The following ZNF549 variants were observed in gnomAD, a reference collection of about 807,000 sequenced individuals.
ZNF549 encodes zinc finger protein 549.
A neutral mutation model predicts 11.1 loss-of-function variants in ZNF549; 11 were observed. The ratio of observed to expected loss-of-function variants is 0.99; its 90% confidence interval spans 0.62 to 1.64. ZNF549 has a LOEUF of 1.64. Ranked by LOEUF, ZNF549 falls within the 40% of genes most tolerant of loss-of-function variation. ZNF549 has a pLI of 0.00. For missense variants in ZNF549, 748 were observed against 765.1 expected, an observed-to-expected ratio of 0.98 and a Z score of 0.26; for synonymous variants, 266 against 269.1, an observed-to-expected ratio of 0.99 and a Z score of 0.11.
chr19:57,528,253 G>A (rs2089888079), intron 1 of ZNF549, among the ~76,000 whole-genome samples: 1 of 152,200 alleles, frequency 6.6e-6, no homozygotes, highest in Non-Finnish European at 1.5e-5. Context: ...TCTTTTACCT[G>A]AACATCTGGA....
In ZNF549 at chr19:57,527,763, C is replaced by G. The variant is rs563881621; in HGVS notation, c.33+157C>G. 6.6e-5 allele frequency among the ~76,000 whole-genome samples: 10 copies of G among 152,212 alleles called. No individual in the cohort carries two copies. In the East Asian group the frequency reaches 1.7e-3, roughly 27 times the overall value. On this transcript the variant is annotated intron_variant, in intron 1 of 3. Coordinates refer to ENST00000376233, the MANE Select transcript of ZNF549 (RefSeq NM_001199295.2). ...GGGCGGTGAGGTGAAGAAGGGAGAG[C>G]GTTGCGTACCGTGGGGGCTGCACGC... is the stretch of plus-strand genomic sequence containing the variant.
At chr19:57,533,403 T>C (rs1431531415) in intron 2 of ZNF549, among the ~76,000 whole-genome samples, 1 of 152,224 alleles carries the variant, frequency 6.6e-6, no homozygotes, top group African/African-American at 2.4e-5. Flanking sequence ...TGATAATACC[T>C]CTGCAGGTTA....
intron 1 of ZNF549, among the ~76,000 whole-genome samples, chr19:57,527,882 G>T (rs2089885930): frequency 6.6e-6 from 1 of 152,178 alleles, no homozygotes; most frequent in Non-Finnish European, 1.5e-5. Context: ...GGAGAAGAAG[G>T]CACGGCTGCC....
At position 57,539,457 on chromosome 19, in the gene ZNF549, G is replaced by A. The variant is rs2089945505; in HGVS notation, c.*530G>A. 6.5e-6 allele frequency: 1 copy of A among 153,342 alleles called. No individual in the cohort carries two copies. Among genetic ancestry groups the A allele is most frequent in the South Asian group, 2.0e-4 (1 of 4,908 alleles). The allele number at this position is 153,342 out of a possible 1,614,324, so 9.5% of individuals were successfully genotyped here. On this transcript the variant is annotated 3_prime_UTR_variant, in exon 4 of 4. Coordinates refer to ENST00000376233, the MANE Select transcript of ZNF549 (RefSeq NM_001199295.2). ...GCTGATGTATGTGCTCTGCCAGTGT[G>A]AAGGGTGAACAGCTCCAACTTTATG...
In ZNF549 at chr19:57,538,073, G is replaced by GTC; in HGVS notation, c.1069_1070insTC (p.Gly357ValfsTer281). The stretch of plus-strand genomic sequence containing the variant: ...TGGCCATCAGCAGAGAATCCACACT[G>GTC]GAGAGAGGCCTTATGTGTGTATGGA... On this transcript the variant is annotated frameshift_variant, in exon 4 of 4. Coordinates refer to ENST00000376233, the MANE Select transcript of ZNF549 (RefSeq NM_001199295.2). LOFTEE classifies it low-confidence loss of function (END_TRUNC). 1 of 1,614,146 alleles carries GTC rather than the reference G, an allele frequency of 6.2e-7. No homozygotes were observed. The highest frequency in any genetic ancestry group is 8.5e-7 in the Non-Finnish European group (1 of 1,180,024).
At chr19:57,530,490 G>A (rs762493527) in intron 1 of ZNF549, among the ~76,000 whole-genome samples, 7 of 152,268 alleles carry the variant, frequency 4.6e-5, no homozygotes, top group Non-Finnish European at 7.4e-5. Flanking sequence ...ATTATTGAAC[G>A]TAAGGAGAGA....
chr19:57,531,101 C>T lies in ZNF549; in HGVS notation c.65C>T (p.Pro22Leu). 1 of 1,598,326 alleles carries T rather than the reference C, an allele frequency of 6.3e-7. No individual in the cohort carries two copies. The highest frequency in any genetic ancestry group is 8.5e-7 in the Non-Finnish European group (1 of 1,179,778). Residue 22 changes from proline to leucine, a missense_variant, in exon 2 of 4, where the codon CCA becomes CTA. Physicochemically the swap from Pro to Leu is moderately conservative, Grantham distance 98. Transcript: ENST00000376233. The part of the protein sequence containing the change: ...IPMVTEEFVK[P>L]SQGHVTFEDI... Reference sequence around the variant, plus strand: ...ATGGTAACAGAAGAGTTTGTGAAACCATCACAGGTAAGTGGAAGAAGTCCC... The same window carrying T: ...ATGGTAACAGAAGAGTTTGTGAAACTATCACAGGTAAGTGGAAGAAGTCCC...
intron 2 of ZNF549, 79 bp downstream of exon 2, chr19:57,531,187 T>A (rs889224927): frequency 6.8e-7 from 1 of 1,481,470 alleles, no homozygotes; most frequent in Non-Finnish European, 9.3e-7. Context: ...CAGGTAACAA[T>A]AATGTCCTGG....
rs1409390408 is a variant in ZNF549 at position 57,527,452 on chromosome 19, C to T, written c.-122C>T. ...AGCCGGAAACCGGTGGAGGTGGTGT[C>T]CGCCCGCAGAGGAGCTTGCCTGGTC... On this transcript the variant is annotated 5_prime_UTR_variant, in exon 1 of 4. Transcript: ENST00000376233. The T allele has an allele frequency of 2.2e-6, 3 of 1,388,604 alleles. No individual in the cohort carries two copies. The highest frequency in any genetic ancestry group is 5.0e-5 in the East Asian group (2 of 40,382). 86.0% of individuals were successfully genotyped at this position (1,388,604 alleles called of 1,614,324 possible).
At position 57,535,134 on chromosome 19, in the gene ZNF549, C is replaced by CA. The variant is rs748549462; in HGVS notation, c.73-9dup. 1.3e-5 allele frequency: 21 copies of CA among 1,612,990 alleles called. No individual in the cohort carries two copies. In the South Asian group the frequency reaches 2.2e-4, roughly 17 times the overall value. ...GTCTGCTCATGATTTCATCTGCCCC[C>CA]ATCATGCAGGGCCATGTGACCTTTG... On this transcript the variant is annotated splice_polypyrimidine_tract_variant and intron_variant, in intron 2 of 3. Coordinates refer to ENST00000376233, the MANE Select transcript of ZNF549 (RefSeq NM_001199295.2).
At position 57,538,838 on chromosome 19, in the gene ZNF549, C is replaced by T; in HGVS notation, c.1834C>T (p.Pro612Ser). ...EHQRIHTGEKPYECGKCGKAF... is the reference protein window; with the variant it reads ...EHQRIHTGEKSYECGKCGKAF... ...TCAGCGAATCCACACCGGAGAAAAG[C>T]CGTATGAATGTGGTAAATGTGGGAA... Residue 612 changes from proline (P) to serine (S), a missense_variant, in exon 4 of 4, where the codon CCG (proline) becomes TCG (serine). Physicochemically the swap from Pro to Ser is moderately conservative, Grantham distance 74. Coordinates refer to ENST00000376233, the MANE Select transcript of ZNF549 (RefSeq NM_001199295.2). The T allele has an allele frequency of 6.2e-7, 1 of 1,613,778 alleles. No individual in the cohort carries two copies. Among genetic ancestry groups the T allele is most frequent in the Non-Finnish European group, 8.5e-7 (1 of 1,180,030 alleles).
At chr19:57,527,738 G>T in intron 1 of ZNF549, 132 bp downstream of exon 1, 1 of 1,122,432 alleles carries the variant, frequency 8.9e-7, no homozygotes, top group Non-Finnish European at 1.3e-6. Context: ...CAGAGCTGAC[G>T]GGCGGTGAGG....
At position 57,535,222 on chromosome 19, in the gene ZNF549, C is replaced by T. The variant is rs2089919330; in HGVS notation, c.151C>T (p.Leu51=). Residue 51 remains leucine, a synonymous_variant, in exon 3 of 4, where the codon CTG becomes TTG. Coordinates refer to ENST00000376233, the MANE Select transcript of ZNF549 (RefSeq NM_001199295.2). Reference sequence around the variant, plus strand: ...CCTCCTTGATGAAGCTCAAAGGTGCCTGTATCATGATGTGATGCTGGAGAA... The same window carrying T: ...CCTCCTTGATGAAGCTCAAAGGTGCTTGTATCATGATGTGATGCTGGAGAA... ...WGLLDEAQRC[L]YHDVMLENFS... The T allele has an allele frequency of 2.5e-6, 4 of 1,613,954 alleles. No individual in the cohort carries two copies. The highest frequency in any genetic ancestry group is 1.7e-5 in the Admixed American group (1 of 60,002).
At chr19:57,532,539 G>A (rs1204981648) in intron 2 of ZNF549, among the ~76,000 whole-genome samples, 1 of 152,200 alleles carries the variant, frequency 6.6e-6, no homozygotes, top group Non-Finnish European at 1.5e-5. Context: ...ACAGGGACCA[G>A]TCTTAGCATG....
chr19:57,530,231 G>A (rs1320804540), intron 1 of ZNF549, among the ~76,000 whole-genome samples: 1 of 152,142 alleles, frequency 6.6e-6, no homozygotes, highest in Non-Finnish European at 1.5e-5. Context: ...CCAGGGAGGG[G>A]AGCAGAGATC....
At chr19:57,531,183 A>G (rs1232876868) in intron 2 of ZNF549, 75 bp downstream of exon 2, 1 of 1,496,768 alleles carries the variant, frequency 6.7e-7, no homozygotes, top group Non-Finnish European at 9.2e-7. Context: ...GATGCAGGTA[A>G]CAATAATGTC....
chr19:57,530,155 G>T (rs2089898064), intron 1 of ZNF549, among the ~76,000 whole-genome samples: 3 of 152,208 alleles, frequency 2.0e-5, no homozygotes. Flanking sequence ...TAGCCTCAGA[G>T]TGGAGTCAGT....
In ZNF549 at chr19:57,538,829, G is replaced by A. The variant is rs752101123; in HGVS notation, c.1825G>A (p.Gly609Arg). ...TGTTGAGCATCAGCGAATCCACACCGGAGAAAAGCCGTATGAATGTGGTAA... is the reference window on the plus strand; with the variant it reads ...TGTTGAGCATCAGCGAATCCACACCAGAGAAAAGCCGTATGAATGTGGTAA... Reference protein sequence around the residue: ...KLVEHQRIHTGEKPYECGKCG... With the variant: ...KLVEHQRIHTREKPYECGKCG... Residue 609 changes from glycine (G) to arginine (R), a missense_variant, in exon 4 of 4, where the codon GGA becomes AGA. Physicochemically the swap from Gly to Arg is moderately radical, Grantham distance 125 (BLOSUM62 -2). Transcript: ENST00000376233. 1.5e-5 allele frequency: 25 copies of A among 1,614,016 alleles called. No homozygotes were observed. Among genetic ancestry groups the A allele is most frequent in the South Asian group, 3.3e-5 (3 of 91,072 alleles).
rs748040607 is a variant in ZNF549 at position 57,527,614 on chromosome 19, C to T, written c.33+8C>T. The T allele has an allele frequency of 3.7e-6, 6 of 1,613,236 alleles. No homozygotes were observed. Among genetic ancestry groups the T allele is most frequent in the African/African-American group, 2.7e-5 (2 of 74,912 alleles). ...CTAGTGATTACGCCGCAGGTGAGAG[C>T]GGAGTCCTCGGATCCTCACCTGGGT... On this transcript the variant is annotated splice_region_variant and intron_variant, in intron 1 of 3. Coordinates refer to ENST00000376233, the MANE Select transcript of ZNF549 (RefSeq NM_001199295.2).
Sources: allele counts gnomAD v4.1 joint callset (sites outside exome capture counted in the v4.1 genomes callset), GRCh38; gene constraint gnomAD v4.1.1; transcripts MANE v1.5; gene names NCBI Gene and HGNC (gene_info 2026-07-23, HGNC 2026-07-21).